Variants in CDH13 observed in about 807,000 individuals in gnomAD.
The protein encoded by CDH13 is cadherin 13.
A neutral mutation model predicts 63.8 loss-of-function variants in CDH13; 24 were observed. That is an observed-to-expected ratio of 0.38 (90% confidence interval 0.27 to 0.53). CDH13 has a LOEUF of 0.53. Ranked by LOEUF, CDH13 falls within the 20% of genes least tolerant of loss-of-function variation. The pLI is 0.85. For synonymous variants in CDH13, 503 were observed against 355.3 expected (o/e 1.42, Z -4.67); for missense variants, 1,049 against 903.1 (o/e 1.16, Z -2.07).
intron 1 of CDH13, among the ~76,000 whole-genome samples, chr16:82,631,180 T>C (rs1907965416): frequency 6.6e-6 from 1 of 152,222 alleles, no homozygotes; most frequent in Admixed American, 6.5e-5. Context: ...ATTCTTTGAC[T>C]CTGTATCCCC....
At chr16:82,787,822 G>C (rs2036091133) in intron 1 of CDH13, among the ~76,000 whole-genome samples, 1 of 152,172 alleles carries the variant, frequency 6.6e-6, no homozygotes, top group Non-Finnish European at 1.5e-5. Flanking sequence ...GGACTGTATG[G>C]AGGGGGGTGA....
chr16:83,740,248 T>G (rs191516444), intron 10 of CDH13, among the ~76,000 whole-genome samples: 1 of 152,028 alleles, frequency 6.6e-6, no homozygotes, highest in East Asian at 1.9e-4. Context: ...AGTTTGGATT[T>G]TATTCTATAC....
intron 12 of CDH13, 104 bp from the exon 13 acceptor site, chr16:83,783,150 T>G (rs1915644516): frequency 2.7e-6 from 2 of 751,768 alleles, no homozygotes; most frequent in Non-Finnish European, 2.3e-6. Context: ...CAATTATAAA[T>G]GAAAATGCAA....
At chr16:83,769,017 C>G (rs1380400088) in intron 11 of CDH13, among the ~76,000 whole-genome samples, 1 of 152,148 alleles carries the variant, frequency 6.6e-6, no homozygotes, top group Non-Finnish European at 1.5e-5. Context: ...AACACCTTGA[C>G]CACAGGGTCA....
intron 4 of CDH13, among the ~76,000 whole-genome samples, chr16:83,164,111 A>C (rs1298213109): frequency 6.6e-6 from 1 of 152,104 alleles, no homozygotes; most frequent in East Asian, 1.9e-4. Flanking sequence ...GCCTGACTCC[A>C]AAGCCCGTGT....
chr16:83,425,480 G>C (rs945135542), intron 6 of CDH13, among the ~76,000 whole-genome samples: 3 of 152,226 alleles, frequency 2.0e-5, no homozygotes, highest in African/African-American at 7.2e-5. Flanking sequence ...CACTCAGGAG[G>C]CTCACAGAGA....
At chr16:83,755,227 C>T (rs74895561) in intron 11 of CDH13, among the ~76,000 whole-genome samples, 10,642 of 152,098 alleles carry the variant, frequency 0.07, 456 homozygotes, top group East Asian at 0.11. Flanking sequence ...GACTTAACAG[C>T]AGAACACAGG....
chr16:83,092,702 G>T (rs369555125), intron 3 of CDH13, among the ~76,000 whole-genome samples: 45 of 152,116 alleles, frequency 3.0e-4, no homozygotes, highest in African/African-American at 1.1e-3. Context: ...TGAGTTGTTG[G>T]AAATTCAGGT....
At chr16:83,004,993 C>G (rs1913334181) in intron 2 of CDH13, among the ~76,000 whole-genome samples, 2 of 152,176 alleles carry the variant, frequency 1.3e-5, no homozygotes, top group Non-Finnish European at 2.9e-5. Context: ...GAGCATCTTC[C>G]TTTTAAAGGA....
chr16:82,804,404 A>G (rs1484805853), intron 1 of CDH13, among the ~76,000 whole-genome samples: 1 of 152,170 alleles, frequency 6.6e-6, no homozygotes, highest in Non-Finnish European at 1.5e-5. Context: ...TATCACAGGT[A>G]TATGCATATA....
At chr16:83,572,895 A>C (rs1321480740) in intron 7 of CDH13, among the ~76,000 whole-genome samples, 1 of 152,246 alleles carries the variant, frequency 6.6e-6, no homozygotes, top group East Asian at 1.9e-4. Context: ...TCCTAGTAGT[A>C]TGACCAATGA....
intron 6 of CDH13, chr16:83,383,217 C>T (rs996560447): frequency 2.0e-5 from 3 of 152,166 alleles, no homozygotes; most frequent in African/African-American, 7.2e-5. Flanking sequence ...AGAAAAACCA[C>T]AGAAATGATG....
rs533955314 is a variant in CDH13, at chr16:83,421,352, T to C, written c.782-65125T>C. Among the ~76,000 whole-genome samples the C allele has an allele frequency of 7.2e-5, 11 of 152,344 alleles. 1 individual carries two copies. The South Asian group carries it at 2.3e-3, about 32-fold the overall frequency. ...AATGTAATTAATTCATATAAAGTGA[T>C]TGAAGGTAGGCAGTTAAGAGTGTTT... On this transcript the variant is annotated intron_variant, in intron 6 of 13. Transcript: ENST00000567109.
chr16:83,734,596 G>GT (rs1230675019), intron 10 of CDH13, among the ~76,000 whole-genome samples: 3 of 151,474 alleles, frequency 2.0e-5, no homozygotes, highest in Non-Finnish European at 4.4e-5. Flanking sequence ...GTGGGGGAAG[G>GT]GGGGAGGGAT....
At chr16:82,805,703 C>T (rs996344913) in intron 1 of CDH13, among the ~76,000 whole-genome samples, 3 of 152,138 alleles carry the variant, frequency 2.0e-5, no homozygotes, top group African/African-American at 7.2e-5. Context: ...TTCTCATAGT[C>T]TGGTGATTTC....
At chr16:83,429,428 T>C (rs1234509771) in intron 6 of CDH13, among the ~76,000 whole-genome samples, 1 of 152,110 alleles carries the variant, frequency 6.6e-6, no homozygotes, top group African/African-American at 2.4e-5. Flanking sequence ...TTATTCATTA[T>C]CATGTCCCCT....
At chr16:83,195,903 T>C (rs1232381306) in intron 4 of CDH13, among the ~76,000 whole-genome samples, 1 of 152,106 alleles carries the variant, frequency 6.6e-6, no homozygotes, top group African/African-American at 2.4e-5. Context: ...GCTGGAGCCA[T>C]TGGACATCTG....
chr16:83,319,455 A>G (rs567289171), intron 5 of CDH13, among the ~76,000 whole-genome samples: 3 of 152,282 alleles, frequency 2.0e-5, no homozygotes, highest in East Asian at 1.9e-4. Context: ...TTTTTTGCCA[A>G]CCTAAGAAGG....
chr16:83,778,869 C>G (rs1352933975), intron 11 of CDH13, among the ~76,000 whole-genome samples: 1 of 152,160 alleles, frequency 6.6e-6, no homozygotes, highest in Non-Finnish European at 1.5e-5. Context: ...TAGTCAACTC[C>G]TCAGTTAGAG....
Sources: gnomAD v4.1 joint callset for allele counts (sites outside exome capture counted in the v4.1 genomes callset) on GRCh38, gnomAD v4.1.1 for gene constraint, MANE v1.5 for transcripts, NCBI Gene and HGNC (gene_info 2026-07-23, HGNC 2026-07-21) for gene names.